GUCY1B1: variants seen among roughly 807,000 people sequenced by gnomAD.
The protein encoded by GUCY1B1 is guanylate cyclase 1 soluble subunit beta 1, also known as guanylate cyclase soluble subunit beta-1.
In GUCY1B1, 43 loss-of-function variants were observed where a neutral mutation model predicts 71.0. That is an observed-to-expected ratio of 0.61 (90% confidence interval 0.47 to 0.78). The LOEUF (loss-of-function observed/expected upper bound fraction) is 0.78, where lower values mean the gene tolerates loss of function less well. Ranked by LOEUF, GUCY1B1 falls within the 30% of genes least tolerant of loss-of-function variation. The probability of loss-of-function intolerance (pLI) is 0.00; values close to 1 mark genes in which losing one functional copy is unlikely to be tolerated. For synonymous variants in GUCY1B1, 266 were observed against 259.7 expected (o/e 1.02, Z -0.23); for missense variants, 535 against 754.1 (o/e 0.71, Z 3.40).
intron 5 of GUCY1B1, among the ~76,000 whole-genome samples, chr4:155,790,832 T>A (rs1008404995): frequency 6.6e-6 from 1 of 152,206 alleles, no homozygotes; most frequent in Non-Finnish European, 1.5e-5. Flanking sequence ...TCTAGTAAAG[T>A]TATGTTAGAG....
Position 155,759,130 on chromosome 4 carries a change from G to T in GUCY1B1, c.-11G>T. On this transcript the variant is annotated 5_prime_UTR_variant, in exon 1 of 14. Transcript: ENST00000264424. The stretch of plus-strand genomic sequence containing the variant: ...GTGGGGGCTGCCTCCCCGGCTCCCG[G>T]TGCAGACACCATGGTAAGTGCTCTC... 1 of 1,592,668 alleles carries T rather than the reference G, an allele frequency of 6.3e-7. No individual in the cohort carries two copies. Among genetic ancestry groups the T allele is most frequent in the Non-Finnish European group, 8.5e-7 (1 of 1,170,532 alleles).
chr4:155,792,310 A>G (rs967280137), intron 5 of GUCY1B1, among the ~76,000 whole-genome samples: 1 of 152,170 alleles, frequency 6.6e-6, no homozygotes, highest in African/African-American at 2.4e-5. Context: ...AAAAATTAGA[A>G]TTGAATAATT....
intron 2 of GUCY1B1, among the ~76,000 whole-genome samples, chr4:155,767,847 A>C (rs1737442917): frequency 6.6e-6 from 1 of 152,088 alleles, no homozygotes; most frequent in Non-Finnish European, 1.5e-5. Flanking sequence ...TTACTTTTTT[A>C]GATGTTATAT....
At chr4:155,760,074 G>C (rs1230477125) in intron 2 of GUCY1B1, among the ~76,000 whole-genome samples, 2 of 152,130 alleles carry the variant, frequency 1.3e-5, no homozygotes, top group East Asian at 1.9e-4. Context: ...CTGCGAGGGC[G>C]AGAACCGCGG....
chr4:155,804,588 T>C lies in GUCY1B1; in HGVS notation c.1555-5T>C. ...ATGATTGAAGCAAAGCTTTCTTTTT[T>C]GCAGATAACAATAGGGATACACACT... On this transcript the variant is annotated splice_region_variant and splice_polypyrimidine_tract_variant and intron_variant, in intron 11 of 13. Transcript: ENST00000264424. The C allele has an allele frequency of 6.3e-7, 1 of 1,598,712 alleles. No individual in the cohort carries two copies. The highest frequency in any genetic ancestry group is 8.5e-7 in the Non-Finnish European group (1 of 1,173,872).
At chr4:155,778,970 C>CTT (rs75584237) in intron 4 of GUCY1B1, among the ~76,000 whole-genome samples, 1 of 144,386 alleles carries the variant, frequency 6.9e-6, no homozygotes, top group Non-Finnish European at 1.5e-5. Context: ...TTATTAATTC[C>CTT]TTTTTTTTTT....
intron 4 of GUCY1B1, among the ~76,000 whole-genome samples, chr4:155,784,409 C>T (rs534103032): frequency 1.3e-5 from 2 of 152,170 alleles, no homozygotes; most frequent in South Asian, 4.2e-4. Flanking sequence ...TTACTTAGGT[C>T]GACTTTGTTT....
At chr4:155,759,717 A>C (rs1185055558) in intron 1 of GUCY1B1, 70 bp from the exon 2 acceptor site, 1 of 1,102,640 alleles carries the variant, frequency 9.1e-7, no homozygotes. Context: ...CAGAGGCAGC[A>C]GCCTCGCCCC....
In GUCY1B1 at chr4:155,777,662, A is replaced by G. The variant is rs1738149830; in HGVS notation, c.297+20A>G. 2 of 1,189,788 alleles carry G rather than the reference A, an allele frequency of 1.7e-6. No homozygotes were observed. Among genetic ancestry groups the G allele is most frequent in the Non-Finnish European group, 2.5e-6 (2 of 792,760 alleles). The allele number at this position is 1,189,788 out of a possible 1,614,324, so 73.7% of individuals were successfully genotyped here. A position where few individuals can be genotyped will look rare whatever the true frequency, so the allele number is the denominator to read the frequency against. On this transcript the variant is annotated intron_variant, in intron 4 of 13. Transcript: ENST00000264424. ...CTACAGGTAAGCAATTTGAGGTCCT[A>G]TAGTTAAAAGTTCTGTGTTTATAAC...
At chr4:155,769,618 G>A (rs999754567) in intron 2 of GUCY1B1, among the ~76,000 whole-genome samples, 4 of 152,216 alleles carry the variant, frequency 2.6e-5, no homozygotes, top group Non-Finnish European at 4.4e-5. Flanking sequence ...TAGGAGGCAT[G>A]AAGATTGTAG....
At chr4:155,771,832 A>G (rs962050916) in intron 2 of GUCY1B1, among the ~76,000 whole-genome samples, 5 of 152,220 alleles carry the variant, frequency 3.3e-5, no homozygotes, top group Admixed American at 6.5e-5. Context: ...ATGCAATTTT[A>G]TGCAGCCATG....
chr4:155,775,197 G>C, intron 3 of GUCY1B1, 129 bp downstream of exon 3: 1 of 661,448 alleles, frequency 1.5e-6, no homozygotes, highest in Non-Finnish European at 2.7e-6. Flanking sequence ...ATAGTTGTGT[G>C]GTGGGCATCC....
rs1313685952 is a variant in GUCY1B1 at position 155,804,635 on chromosome 4, A to G, written c.1597A>G (p.Ile533Val). The change falls in exon 12 of 14, where the codon ATA becomes GTA. Residue 533 changes from isoleucine to valine, a missense_variant. Coordinates refer to ENST00000264424, the MANE Select transcript of GUCY1B1 (RefSeq NM_000857.5). The part of the protein sequence containing the change: ...IHTGEVVTGV[I>V]GQRMPRYCLF... The stretch of plus-strand genomic sequence containing the variant: ...CACTGGAGAGGTAGTTACAGGTGTC[A>G]TAGGACAGCGGATGCCTCGATACTG... 1.2e-6 allele frequency: 2 copies of G among 1,612,624 alleles called. No homozygotes were observed. The highest frequency in any genetic ancestry group is 2.2e-5 in the East Asian group (1 of 44,864).
At chr4:155,792,716 T>C (rs1739263794) in intron 5 of GUCY1B1, among the ~76,000 whole-genome samples, 2 of 152,110 alleles carry the variant, frequency 1.3e-5, no homozygotes, top group South Asian at 4.1e-4. Flanking sequence ...TGTCCCAAAC[T>C]TTTTCTGTTT....
At chr4:155,778,261 T>C (rs987647625) in intron 4 of GUCY1B1, among the ~76,000 whole-genome samples, 5 of 152,244 alleles carry the variant, frequency 3.3e-5, no homozygotes, top group African/African-American at 1.2e-4. Flanking sequence ...CTTACATTCT[T>C]GTTAAAATTA....
Position 155,796,449 on chromosome 4 carries a change from C to G in GUCY1B1, c.916C>G (p.Leu306Val). 1 of 1,611,334 alleles carries G rather than the reference C, an allele frequency of 6.2e-7. No individual in the cohort carries two copies. The highest frequency in any genetic ancestry group is 2.2e-5 in the East Asian group (1 of 44,852). ...LTGTEISCLR[L>V]KGQMIYLPEA... is the part of the protein sequence containing the mutation. Reference sequence around the variant, plus strand: ...TGGGACTGAGATCAGCTGCTTACGTCTCAAGGGTCAAATGATCTACTTACC... The same window carrying G: ...TGGGACTGAGATCAGCTGCTTACGTGTCAAGGGTCAAATGATCTACTTACC... Residue 306 changes from leucine to valine, a missense_variant, in exon 8 of 14, where the codon CTC becomes GTC. Leu to Val is a conservative substitution (Grantham distance 32, BLOSUM62 1). Transcript: ENST00000264424.
intron 2 of GUCY1B1, among the ~76,000 whole-genome samples, chr4:155,770,616 G>A (rs533912009): frequency 7.2e-5 from 11 of 152,142 alleles, no homozygotes; most frequent in South Asian, 2.1e-4. Context: ...AAGAGTTTGC[G>A]ATACCTCCAA....
At chr4:155,791,348 C>T (rs148004190) in intron 5 of GUCY1B1, among the ~76,000 whole-genome samples, 17,729 of 150,120 alleles carry the variant, frequency 0.12, 1,116 homozygotes, top group Admixed American at 0.18. Flanking sequence ...CTCTCCTGAC[C>T]TCATGATCCG....
rs1437276233 is a variant in GUCY1B1, at chr4:155,806,725, AT to A, written c.*319del. On this transcript the variant is annotated 3_prime_UTR_variant, in exon 14 of 14. Transcript: ENST00000264424. ...TGCAAGTAGTAGGCACCCAATAAATATTTGTTGAATTTAGTTAAATGAAACT... is the reference window on the plus strand; with the variant it reads ...TGCAAGTAGTAGGCACCCAATAAATATTGTTGAATTTAGTTAAATGAAACT... The A allele has an allele frequency of 1.4e-5, 4 of 296,028 alleles. No homozygotes were observed. Among genetic ancestry groups the A allele is most frequent in the Non-Finnish European group, 2.5e-5 (4 of 160,498 alleles). 18.3% of individuals were successfully genotyped at this position (296,028 alleles called of 1,614,324 possible).
Sources: gnomAD v4.1 joint callset for allele counts (sites outside exome capture counted in the v4.1 genomes callset) on GRCh38, gnomAD v4.1.1 for gene constraint, MANE v1.5 for transcripts, NCBI Gene and HGNC (gene_info 2026-07-23, HGNC 2026-07-21) for gene names.